KPNA3: variants seen among roughly 807,000 people sequenced by gnomAD.
KPNA3 encodes karyopherin subunit alpha 3.
KPNA3 carries 13 observed loss-of-function variants against 73.8 expected under a neutral mutation model. That is an observed-to-expected ratio of 0.18 (90% confidence interval 0.11 to 0.28). The LOEUF is 0.28. Ranked by LOEUF, KPNA3 falls within the 10% of genes least tolerant of loss-of-function variation. KPNA3 has a pLI of 1.00. For synonymous variants in KPNA3, 186 were observed against 206.9 expected (o/e 0.90, Z 0.87); for missense variants, 360 against 618.1 (o/e 0.58, Z 4.43).
chr13:49,760,553 T>A (rs912247975), intron 1 of KPNA3, among the ~76,000 whole-genome samples: 1 of 152,056 alleles, frequency 6.6e-6, no homozygotes, highest in African/African-American at 2.4e-5. Context: ...TGAGTTCACA[T>A]CAATCAATCA....
In KPNA3 at chr13:49,699,592, GC is replaced by G. The variant is rs1954129447; in HGVS notation, c.*2207del. 1 of 152,622 alleles carries G rather than the reference GC, an allele frequency of 6.6e-6. No homozygotes were observed. The highest frequency in any genetic ancestry group is 1.5e-5 in the Non-Finnish European group (1 of 68,040). 9.5% of individuals were successfully genotyped at this position (152,622 alleles called of 1,614,324 possible). A position where few individuals can be genotyped will look rare whatever the true frequency, so the allele number is the denominator to read the frequency against. On this transcript the variant is annotated 3_prime_UTR_variant, in exon 17 of 17. Coordinates refer to ENST00000261667, the MANE Select transcript of KPNA3 (RefSeq NM_002267.4). ...ATCAAGGAAATGCATACAAGTGTCT[GC>G]ACTACTTGATGCTAATGTTCACTTA... is the stretch of plus-strand genomic sequence containing the variant.
At chr13:49,704,019 T>TC (rs2137529390) in intron 15 of KPNA3, among the ~76,000 whole-genome samples, 1 of 102,738 alleles carries the variant, frequency 9.7e-6, no homozygotes, top group East Asian at 3.3e-4. Flanking sequence ...CTACAATTTT[T>TC]AATTATCTTA....
Position 49,732,948 on chromosome 13 carries a change from G to GT in KPNA3, c.204+8dup. 3 of 1,562,212 alleles carry GT rather than the reference G, an allele frequency of 1.9e-6. No homozygotes were observed. The South Asian group carries it at 3.4e-5, about 18-fold the overall frequency. ...ATTTTAAAATCACTATTAAAACATG[G>GT]TAACTTACTGCTTTAAAATCAGCAT... is the stretch of plus-strand genomic sequence containing the variant. On this transcript the variant is annotated intron_variant, in intron 3 of 16. Transcript: ENST00000261667.
chr13:49,751,770 T>C (rs1281931250), intron 1 of KPNA3, among the ~76,000 whole-genome samples: 1 of 152,076 alleles, frequency 6.6e-6, no homozygotes, highest in African/African-American at 2.4e-5. Context: ...TAGCCAGGTG[T>C]GGTGGCGTGC....
chr13:49,701,550 A>C lies in KPNA3; in HGVS notation c.*250T>G. On this transcript the variant is annotated 3_prime_UTR_variant, in exon 17 of 17. Coordinates refer to ENST00000261667, the MANE Select transcript of KPNA3 (RefSeq NM_002267.4). ...AGCCTGTGGCACCAGGGAACAGGGA[A>C]AAATAGGGTAGTTGAGATTGTTAAG... The C allele has an allele frequency of 1.7e-6, 1 of 577,106 alleles. No homozygotes were observed. The highest frequency in any genetic ancestry group is 3.4e-6 in the Non-Finnish European group (1 of 295,684). 35.7% of individuals were successfully genotyped at this position (577,106 alleles called of 1,614,324 possible).
intron 1 of KPNA3, among the ~76,000 whole-genome samples, chr13:49,758,337 G>A (rs2137579934): frequency 6.6e-6 from 1 of 152,166 alleles, no homozygotes; most frequent in South Asian, 2.1e-4. Context: ...ATAAAGAAAT[G>A]AACCTAAACG....
chr13:49,773,618 A>T (rs1013255243), intron 1 of KPNA3, among the ~76,000 whole-genome samples: 4 of 152,324 alleles, frequency 2.6e-5, no homozygotes, highest in Admixed American at 2.0e-4. Context: ...ATTTACAATA[A>T]CATTTACATG....
At chr13:49,737,782 C>T (rs902516316) in intron 2 of KPNA3, among the ~76,000 whole-genome samples, 1 of 152,044 alleles carries the variant, frequency 6.6e-6, no homozygotes, top group African/African-American at 2.4e-5. Context: ...GCTCTTACTG[C>T]TGAGTTCTGA....
intron 1 of KPNA3, among the ~76,000 whole-genome samples, chr13:49,754,124 T>A (rs1038229691): frequency 1.4e-4 from 21 of 151,940 alleles, no homozygotes; most frequent in African/African-American, 4.8e-4. Context: ...GGGTGAAGCC[T>A]CATCTCTACT....
At chr13:49,708,677 T>C (rs367824880) in intron 12 of KPNA3, among the ~76,000 whole-genome samples, 7 of 152,194 alleles carry the variant, frequency 4.6e-5, no homozygotes, top group South Asian at 2.1e-4. Context: ...ATACATACAA[T>C]GGAATATTTA....
chr13:49,703,953 A>G (rs1954176001), intron 15 of KPNA3, among the ~76,000 whole-genome samples: 1 of 152,320 alleles, frequency 6.6e-6, no homozygotes, highest in Middle Eastern at 3.4e-3. Context: ...TATTGATAAA[A>G]AGCTGAAGAG....
chr13:49,768,782 A>G (rs2137591448), intron 1 of KPNA3, among the ~76,000 whole-genome samples: 2 of 152,274 alleles, frequency 1.3e-5, no homozygotes, highest in East Asian at 3.9e-4. Context: ...CCACCACTGC[A>G]TGCATAGTAT....
chr13:49,730,769 C>G lies in KPNA3; in HGVS notation c.383+1602G>C, dbSNP rs1196510200. On this transcript the variant is annotated intron_variant, in intron 6 of 16. Coordinates refer to ENST00000261667, the MANE Select transcript of KPNA3 (RefSeq NM_002267.4). ...TATCTCCTAATGCTATCCCTCCCCCCTCCCCCCTATTTATTCATTTATTTT... is the reference window on the plus strand; with the variant it reads ...TATCTCCTAATGCTATCCCTCCCCCGTCCCCCCTATTTATTCATTTATTTT... Among the ~76,000 whole-genome samples, 4 of 101,134 alleles carry G rather than the reference C, an allele frequency of 4.0e-5. 1 individual carries two copies. The highest frequency in any genetic ancestry group is 9.6e-4 in the East Asian group (2 of 2,086). 66.3% of individuals were successfully genotyped at this position (101,134 alleles called of 152,430 possible). A position where few individuals can be genotyped will look rare whatever the true frequency, so the allele number is the denominator to read the frequency against.
intron 1 of KPNA3, among the ~76,000 whole-genome samples, chr13:49,770,294 G>A (rs1276228007): frequency 6.8e-6 from 1 of 146,294 alleles, no homozygotes; most frequent in Non-Finnish European, 1.5e-5. Flanking sequence ...TCCCACCTCA[G>A]CCTCCCAAGC....
chr13:49,748,864 T>C (rs1954639979), intron 1 of KPNA3, among the ~76,000 whole-genome samples: 1 of 152,136 alleles, frequency 6.6e-6, no homozygotes, highest in African/African-American at 2.4e-5. Flanking sequence ...ACGCATAAGT[T>C]CATAAAAATG....
chr13:49,747,204 G>T (rs1954624086), intron 1 of KPNA3, among the ~76,000 whole-genome samples: 1 of 152,030 alleles, frequency 6.6e-6, no homozygotes, highest in Non-Finnish European at 1.5e-5. Flanking sequence ...AATTAGCCGG[G>T]CTTGGTGGCA....
chr13:49,785,766 AG>A (rs2137608229), intron 1 of KPNA3, among the ~76,000 whole-genome samples: 1 of 152,160 alleles, frequency 6.6e-6, no homozygotes, highest in African/African-American at 2.4e-5. Context: ...AAAAAAAAAA[AG>A]TTTGTTTGCT....
chr13:49,768,276 CT>C (rs1220688992), intron 1 of KPNA3, among the ~76,000 whole-genome samples: 5 of 100,416 alleles, frequency 5.0e-5, no homozygotes, highest in Admixed American at 3.2e-4. Flanking sequence ...GAGACTCTGT[CT>C]CAAAAAAAAA....
intron 15 of KPNA3, among the ~76,000 whole-genome samples, 197 bp downstream of exon 15, chr13:49,705,424 A>C (rs943163796): frequency 6.6e-5 from 10 of 152,080 alleles, no homozygotes; most frequent in African/African-American, 2.4e-4. Context: ...TCACAACCTG[A>C]TTTTGCAAAG....
Sources: gnomAD v4.1 joint callset for allele counts (sites outside exome capture counted in the v4.1 genomes callset) on GRCh38, gnomAD v4.1.1 for gene constraint, MANE v1.5 for transcripts, NCBI Gene and HGNC (gene_info 2026-07-23, HGNC 2026-07-21) for gene names.